THTPA: variants seen among roughly 807,000 people sequenced by gnomAD.
THTPA encodes thiamine-triphosphatase.
Under a neutral mutation model 16.5 loss-of-function variants are expected in THTPA, and 16 were observed. The ratio of observed to expected loss-of-function variants is 0.97; its 90% CI spans 0.66 to 1.47. THTPA has a LOEUF of 1.47. THTPA is among the 40% of genes most tolerant of loss of function. The pLI is 0.00. For missense variants in THTPA, 281 were observed against 280.9 expected, an observed-to-expected ratio of 1.00 and a Z score of 0.00; for synonymous variants, 110 against 115.5, an observed-to-expected ratio of 0.95 and a Z score of 0.30.
chr14:23,512,130 CA>C, the THTPA span, among the ~76,000 whole-genome samples: 1 of 152,080 alleles, frequency 6.6e-6, no homozygotes, highest in Non-Finnish European at 1.5e-5. Flanking sequence ...AATTAGCATC[CA>C]CGATTTAATT....
chr14:23,528,067 C>G, the THTPA span, among the ~76,000 whole-genome samples: 9 of 151,968 alleles, frequency 5.9e-5, no homozygotes, highest in Non-Finnish European at 1.3e-4. Flanking sequence ...GCAACCACGC[C>G]CAGCTAATTT....
At chr14:23,522,026 G>A in the THTPA span, 2 of 1,536,410 alleles carry the variant, frequency 1.3e-6, no homozygotes, top group Non-Finnish European at 1.7e-6. Context: ...AGGTAATCTT[G>A]CTTCCTCTTT....
At chr14:23,528,667 A>G in the THTPA span, 172 of 985,386 alleles carry the variant, frequency 1.7e-4, 3 homozygotes, top group South Asian at 7.3e-3. Flanking sequence ...CCTCAGGCTC[A>G]GCAGCTCCCA....
the THTPA span, among the ~76,000 whole-genome samples, chr14:23,547,872 A>G: frequency 6.6e-6 from 1 of 152,304 alleles, no homozygotes; most frequent in East Asian, 1.9e-4. Context: ...AACTAGACAG[A>G]TGTAGCCACT....
chr14:23,512,600 G>T, the THTPA span, among the ~76,000 whole-genome samples: 3 of 150,590 alleles, frequency 2.0e-5, no homozygotes, highest in South Asian at 6.4e-4. Flanking sequence ...TGAGAACGGG[G>T]TCCCCTCCCT....
chr14:23,541,069 G>C, the THTPA span, among the ~76,000 whole-genome samples: 2 of 152,040 alleles, frequency 1.3e-5, no homozygotes, highest in Non-Finnish European at 2.9e-5. Context: ...ACCAGGCCTG[G>C]CTAATTTTTG....
chr14:23,523,061 C>G, the THTPA span: 1 of 1,405,042 alleles, frequency 7.1e-7, no homozygotes, highest in Non-Finnish European at 9.2e-7. This position sits in a 1 kb window ranked among gnomAD's most constrained non-coding sequence, Gnocchi z 4.1. Flanking sequence ...TGCCCCTTCC[C>G]TCCCTTCTTT....
chr14:23,531,704 CT>C, the THTPA span: 1 of 1,367,568 alleles, frequency 7.3e-7, no homozygotes, highest in Non-Finnish European at 9.5e-7. Context: ...CCTCCGCTCC[CT>C]CCATGTCCAG....
At chr14:23,522,390 C>T in the THTPA span, 1 of 1,536,318 alleles carries the variant, frequency 6.5e-7, no homozygotes, top group South Asian at 1.2e-5. Context: ...TCATCAACCT[C>T]ACCAGCTTCC....
the THTPA span, chr14:23,535,324 A>G: frequency 6.9e-7 from 1 of 1,454,676 alleles, no homozygotes; most frequent in Non-Finnish European, 9.1e-7. The surrounding 1 kb of genome is among the most constrained non-coding windows in gnomAD (Gnocchi z 4.5). Flanking sequence ...AAGGGTGGCC[A>G]TGGTAGACGG....
the THTPA span, chr14:23,522,553 G>A: frequency 1.3e-6 from 2 of 1,525,820 alleles, no homozygotes; most frequent in African/African-American, 2.8e-5. Flanking sequence ...CCTTCTTCAT[G>A]CCATAGAGCT....
At chr14:23,525,224 C>G in the THTPA span, 1 of 1,536,112 alleles carries the variant, frequency 6.5e-7, no homozygotes, top group Non-Finnish European at 8.7e-7. This position sits in a 1 kb window ranked among gnomAD's most constrained non-coding sequence, Gnocchi z 5.9. Context: ...GGGCCAGTGT[C>G]CCCCTGCTCG....
At chr14:23,532,218 T>G in the THTPA span, 1 of 199,572 alleles carries the variant, frequency 5.0e-6, no homozygotes, top group Non-Finnish European at 1.0e-5. Context: ...CCCTTTCTCT[T>G]TCTCCTACCA....
the THTPA span, chr14:23,533,069 G>T: frequency 6.5e-6 from 10 of 1,530,304 alleles, no homozygotes; most frequent in South Asian, 1.2e-5. This position sits in a 1 kb window ranked among gnomAD's most constrained non-coding sequence, Gnocchi z 4.8. Flanking sequence ...GGCATCAGGG[G>T]ATAGGCTTCC....
chr14:23,528,920 G>T, the THTPA span: 5 of 820,244 alleles, frequency 6.1e-6, no homozygotes, highest in Admixed American at 2.5e-4. Context: ...TGTAAAGGAA[G>T]GGGATCCAGA....
At chr14:23,525,260 C>A in the THTPA span, 1 of 1,536,064 alleles carries the variant, frequency 6.5e-7, no homozygotes, top group South Asian at 1.2e-5. This position sits in a 1 kb window ranked among gnomAD's most constrained non-coding sequence, Gnocchi z 5.9. Context: ...GGCACGGGTC[C>A]CCCCTGCCTC....
the THTPA span, among the ~76,000 whole-genome samples, chr14:23,540,912 T>C: frequency 6.6e-6 from 1 of 152,020 alleles, no homozygotes; most frequent in South Asian, 2.1e-4. Context: ...CTTTTTTCTC[T>C]CTTTTTTTTT....
chr14:23,551,809 A>G (rs1024797618), upstream of THTPA, among the ~76,000 whole-genome samples: 1 of 152,106 alleles, frequency 6.6e-6, no homozygotes, highest in African/African-American at 2.4e-5. The surrounding 1 kb of genome is among the most constrained non-coding windows in gnomAD (Gnocchi z 5.3). Flanking sequence ...GAGCAGGTGC[A>G]GCGACCCGCC....
the THTPA span, chr14:23,531,845 T>C: frequency 5.0e-6 from 6 of 1,196,382 alleles, no homozygotes; most frequent in South Asian, 8.2e-5. Flanking sequence ...TGGCATGATC[T>C]CTACTCACTG....
Sources: gnomAD v4.1 joint callset for allele counts (sites outside exome capture counted in the v4.1 genomes callset) on GRCh38, gnomAD v4.1.1 for gene constraint, Gnocchi (gnomAD v3.1) non-coding constraint, MANE v1.5 for transcripts, NCBI Gene and HGNC (gene_info 2026-07-23, HGNC 2026-07-21) for gene names.